Variants in BAIAP3 observed in about 807,000 individuals in gnomAD.
BAIAP3 encodes BAI1 associated protein 3, also known as BAI1-associated protein 3.
BAIAP3 carries 180 observed loss-of-function variants against 149.7 expected under a neutral mutation model. The observed-to-expected ratio is 1.20, with a 90% CI of 1.07 to 1.36. The LOEUF is 1.36. Ranked by LOEUF, BAIAP3 falls within the 40% of genes most tolerant of loss-of-function variation. The probability of loss-of-function intolerance (pLI) is 0.00; values close to 1 mark genes in which losing one functional copy is unlikely to be tolerated. For synonymous variants in BAIAP3, 845 were observed against 670.7 expected, an observed-to-expected ratio of 1.26 and a Z score of -4.02; for missense variants, 1,767 against 1,563.4, an observed-to-expected ratio of 1.13 and a Z score of -2.20.
In BAIAP3 at chr16:1,345,007, C is replaced by T; in HGVS notation, c.1848C>T (p.Ser616=). 1 of 1,612,694 alleles carries T rather than the reference C, an allele frequency of 6.2e-7. No individual in the cohort carries two copies. Among genetic ancestry groups the T allele is most frequent in the South Asian group, 1.1e-5 (1 of 91,046 alleles). Residue 616 remains serine (S), a synonymous_variant, in exon 21 of 34, where the codon AGC becomes AGT. Coordinates refer to ENST00000426824, the MANE Select transcript of BAIAP3 (RefSeq NM_001199097.2). The part of the protein sequence containing the change: ...EEAWVLTEEL[S]PKMTLEVASG... ...CGTGGGTGCTGACGGAGGAGCTGAG[C>T]CCCAAGATGACCCTGGAGGTGGCCT...
rs751882657 is a variant in BAIAP3 at position 1,343,516 on chromosome 16, G to A, written c.1386+3G>A. On this transcript the variant is annotated splice_donor_region_variant and intron_variant, in intron 15 of 33. Coordinates refer to ENST00000426824, the MANE Select transcript of BAIAP3 (RefSeq NM_001199097.2). ...CTCCTTCACTGCCCCAGGAGCAGGTGGGTGCAGCCGGGACCTTCTTGCCAG... is the reference window on the plus strand; with the variant it reads ...CTCCTTCACTGCCCCAGGAGCAGGTAGGTGCAGCCGGGACCTTCTTGCCAG... The A allele has an allele frequency of 4.4e-6, 7 of 1,605,860 alleles. No homozygotes were observed. The South Asian group carries it at 5.6e-5, about 13-fold the overall frequency.
At position 1,340,890 on chromosome 16, in the gene BAIAP3, C is replaced by T. The variant is rs764714237; in HGVS notation, c.409-32C>T. 2.6e-5 allele frequency: 40 copies of T among 1,553,978 alleles called. No homozygotes were observed. The South Asian group carries it at 4.5e-4, about 17-fold the overall frequency. ...TGGCCAGCCTCGCTTCAGGGGTTGC[C>T]TAGGCCCTGCCAACCCAGCCACCCT... is the stretch of plus-strand genomic sequence containing the variant. On this transcript the variant is annotated intron_variant, in intron 5 of 33. Transcript: ENST00000426824.
intron 14 of BAIAP3, 106 bp downstream of exon 14, chr16:1,343,122 A>C: frequency 1.5e-6 from 1 of 655,818 alleles, no homozygotes; most frequent in Non-Finnish European, 2.5e-6. Context: ...AGGGTGGGGC[A>C]GGGAAAGGGG....
At chr16:1,339,391 G>T in intron 4 of BAIAP3, 105 bp from the exon 5 acceptor site, 1 of 1,468,562 alleles carries the variant, frequency 6.8e-7, no homozygotes. Context: ...GGGGCTCCTG[G>T]TGCAAAGAGG....
In BAIAP3 at chr16:1,346,928, C is replaced by T. The variant is rs1197758437; in HGVS notation, c.2724C>T (p.Phe908=). The T allele has an allele frequency of 6.2e-7, 1 of 1,611,400 alleles. No individual in the cohort carries two copies. The highest frequency in any genetic ancestry group is 1.3e-5 in the African/African-American group (1 of 74,908). Residue 908 remains phenylalanine, a synonymous_variant, in exon 28 of 34, where the codon TTC becomes TTT. Transcript: ENST00000426824. ...LGANRDVSAD[F]YSRFHFTLEA... ...CAAACCGTGACGTCTCTGCTGATTT[C>T]TACAGCCGCTTCCATTTCACGCTGG...
chr16:1,345,895 G>A lies in BAIAP3; in HGVS notation c.2208+5G>A. On this transcript the variant is annotated splice_donor_5th_base_variant and intron_variant, in intron 23 of 33. Transcript: ENST00000426824. Reference sequence around the variant, plus strand: ...CTGGGCACCCAGCTTGGCCAGGTGTGTGGGTGGGCCCTGGGGGTGAGGGGA... The same window carrying A: ...CTGGGCACCCAGCTTGGCCAGGTGTATGGGTGGGCCCTGGGGGTGAGGGGA... 6.3e-7 allele frequency: 1 copy of A among 1,579,128 alleles called. No individual in the cohort carries two copies. Among genetic ancestry groups the A allele is most frequent in the South Asian group, 1.2e-5 (1 of 86,690 alleles).
At chr16:1,340,195 G>A (rs1474182809) in intron 5 of BAIAP3, among the ~76,000 whole-genome samples, 11 of 63,816 alleles carry the variant, frequency 1.7e-4, no homozygotes, top group Admixed American at 1.1e-3. Flanking sequence ...ACAGACACAC[G>A]CACACAGGCT....
chr16:1,340,531 CGCACACACACACACAGGCTGCAGGT>C (rs2033853173), intron 5 of BAIAP3, among the ~76,000 whole-genome samples: 1 of 147,902 alleles, frequency 6.8e-6, no homozygotes, highest in Non-Finnish European at 1.5e-5. Context: ...CACACAGACA[CGCACACACACACACAGGCTGCAGGT>C]GCACACAGAC....
In BAIAP3 at chr16:1,347,900, G is replaced by A. The variant is rs2034491706; in HGVS notation, c.3032G>A (p.Ser1011Asn). 1 of 1,611,656 alleles carries A rather than the reference G, an allele frequency of 6.2e-7. No individual in the cohort carries two copies. Among genetic ancestry groups the A allele is most frequent in the South Asian group, 1.1e-5 (1 of 91,084 alleles). Reference protein sequence around the residue: ...DLLPLDANGLSDPFVIVELGP... With the variant: ...DLLPLDANGLNDPFVIVELGP... ...CACGACTGTGCTCCTGCAGGCTTAA[G>A]TGACCCCTTTGTGATCGTGGAGCTG... Residue 1011 changes from serine (S) to asparagine (N), a missense_variant, in exon 32 of 34, where the codon AGT (serine) becomes AAT (asparagine). Coordinates refer to ENST00000426824, the MANE Select transcript of BAIAP3 (RefSeq NM_001199097.2).
Sources: gnomAD v4.1 joint callset for allele counts (sites outside exome capture counted in the v4.1 genomes callset) on GRCh38, gnomAD v4.1.1 for gene constraint, MANE v1.5 for transcripts, NCBI Gene and HGNC (gene_info 2026-07-23, HGNC 2026-07-21) for gene names.